The following SEMA3A variants were observed in gnomAD, a reference collection of about 807,000 sequenced individuals.
SEMA3A encodes semaphorin-3A.
In SEMA3A, 29 loss-of-function variants were observed where a neutral mutation model predicts 97.9. The observed-to-expected ratio is 0.30, with a 90% CI of 0.22 to 0.40. SEMA3A has a LOEUF of 0.40. Among genes scored for constraint, SEMA3A ranks in the 10% least tolerant of loss-of-function variants. The pLI is 1.00. For missense variants in SEMA3A, 763 were observed against 951.3 expected, an observed-to-expected ratio of 0.80 and a Z score of 2.60; for synonymous variants, 321 against 323.7, an observed-to-expected ratio of 0.99 and a Z score of 0.09.
At chr7:84,105,052 A>G (rs978820968) in intron 4 of SEMA3A, among the ~76,000 whole-genome samples, 1 of 152,114 alleles carries the variant, frequency 6.6e-6, no homozygotes, top group African/African-American at 2.4e-5. Context: ...TGAGTTGCCA[A>G]TGAATCTCGA....
intron 6 of SEMA3A, among the ~76,000 whole-genome samples, chr7:84,031,976 A>T (rs1278795261): frequency 2.0e-5 from 3 of 152,236 alleles, no homozygotes; most frequent in Non-Finnish European, 4.4e-5. Flanking sequence ...TTTTATTCAA[A>T]ATAAAAAAAA....
At chr7:84,361,648 T>C (rs1169587618) in intron 2 of SEMA3A, among the ~76,000 whole-genome samples, 1 of 152,058 alleles carries the variant, frequency 6.6e-6, no homozygotes, top group Non-Finnish European at 1.5e-5. Flanking sequence ...AATGATACCC[T>C]AATTACAATG....
intron 1 of SEMA3A, among the ~76,000 whole-genome samples, chr7:84,405,078 C>G (rs904963725): frequency 6.6e-6 from 1 of 152,006 alleles, no homozygotes; most frequent in Non-Finnish European, 1.5e-5. Flanking sequence ...CTAAATGCTC[C>G]AATTAAAAGG....
intron 1 of SEMA3A, among the ~76,000 whole-genome samples, chr7:84,150,939 C>G (rs1433153540): frequency 3.3e-5 from 5 of 149,526 alleles, no homozygotes; most frequent in East Asian, 2.0e-4. Context: ...ACCCCTGACC[C>G]CTGAGCAGCC....
At chr7:84,421,910 T>C (rs186442518) in intron 1 of SEMA3A, among the ~76,000 whole-genome samples, 151 of 152,222 alleles carry the variant, frequency 9.9e-4, no homozygotes, top group Non-Finnish European at 1.7e-3. Flanking sequence ...GCTGCTGGAT[T>C]CAGTTTGCCA....
chr7:84,155,059 T>C (rs1359062036), intron 1 of SEMA3A, among the ~76,000 whole-genome samples: 1 of 152,108 alleles, frequency 6.6e-6, no homozygotes, highest in Admixed American at 6.5e-5. Context: ...AGTAGCTAAT[T>C]TAATTCCATT....
chr7:84,321,673 G>A (rs1224130918), intron 2 of SEMA3A, among the ~76,000 whole-genome samples: 5 of 151,748 alleles, frequency 3.3e-5, no homozygotes, highest in Non-Finnish European at 7.4e-5. Context: ...TCAGGAGATC[G>A]AAACCATCCT....
intron 1 of SEMA3A, among the ~76,000 whole-genome samples, chr7:84,393,050 A>T (rs1255241858): frequency 2.0e-5 from 3 of 152,240 alleles, no homozygotes; most frequent in East Asian, 3.9e-4. Context: ...TTATTTGGAT[A>T]TAATCGCATT....
intron 3 of SEMA3A, among the ~76,000 whole-genome samples, chr7:84,233,162 A>AT (rs2116360793): frequency 6.6e-6 from 1 of 152,030 alleles, no homozygotes; most frequent in South Asian, 2.1e-4. Flanking sequence ...ATTTTAATTT[A>AT]TTTTTGCCCC....
intron 14 of SEMA3A, among the ~76,000 whole-genome samples, 186 bp downstream of exon 14, chr7:83,981,135 T>C (rs755186019): frequency 6.6e-6 from 1 of 152,218 alleles, no homozygotes; most frequent in Non-Finnish European, 1.5e-5. Flanking sequence ...TGTGACTTTT[T>C]TTCTGATTGT....
intron 1 of SEMA3A, among the ~76,000 whole-genome samples, chr7:84,435,701 A>C (rs1326924801): frequency 6.6e-6 from 1 of 152,226 alleles, no homozygotes; most frequent in Non-Finnish European, 1.5e-5. Flanking sequence ...AAAACATTCC[A>C]TGCTCATAGA....
intron 15 of SEMA3A, among the ~76,000 whole-genome samples, chr7:83,965,668 T>A (rs12154817): frequency 0.018 from 395 of 22,106 alleles, no homozygotes; most frequent in East Asian, 0.053. Flanking sequence ...ATATATATAT[T>A]TTTTTTTTTT....
chr7:84,336,111 A>G (rs1802033038), intron 2 of SEMA3A, among the ~76,000 whole-genome samples: 1 of 152,160 alleles, frequency 6.6e-6, no homozygotes, highest in Admixed American at 6.6e-5. Context: ...CCTTCTTCCT[A>G]GACACCATAT....
At chr7:84,029,838 C>CAT (rs71297136) in intron 6 of SEMA3A, among the ~76,000 whole-genome samples, 57,722 of 150,926 alleles carry the variant, frequency 0.38, 11,672 homozygotes, top group Middle Eastern at 0.5. Flanking sequence ...CACACACACA[C>CAT]ATTTTAGAAA....
intron 1 of SEMA3A, among the ~76,000 whole-genome samples, chr7:84,448,030 G>C (rs1805467106): frequency 1.3e-5 from 2 of 152,208 alleles, no homozygotes; most frequent in African/African-American, 4.8e-5. Flanking sequence ...GGTGTGCCCG[G>C]TGTGCCTGGC....
chr7:84,204,872 A>G (rs1186553084), intron 3 of SEMA3A, among the ~76,000 whole-genome samples: 2 of 152,166 alleles, frequency 1.3e-5, no homozygotes, highest in Non-Finnish European at 2.9e-5. Flanking sequence ...ATTGAAAGAG[A>G]GCAACGTTTC....
intron 4 of SEMA3A, among the ~76,000 whole-genome samples, chr7:84,095,638 C>T (rs11972281): frequency 0.42 from 61,976 of 148,252 alleles, 14,645 homozygotes; most frequent in Admixed American, 0.52. Flanking sequence ...TTTTTTTTTC[C>T]TTTCCTCTTT....
intron 1 of SEMA3A, among the ~76,000 whole-genome samples, chr7:84,184,632 T>G (rs1797823168): frequency 6.6e-6 from 1 of 151,460 alleles, no homozygotes; most frequent in Non-Finnish European, 1.5e-5. Context: ...TTTTTTTTTT[T>G]GCAATATACT....
intron 4 of SEMA3A, among the ~76,000 whole-genome samples, chr7:84,063,062 C>T (rs2115701898): frequency 6.6e-6 from 1 of 152,010 alleles, no homozygotes; most frequent in African/African-American, 2.4e-5. Context: ...CAGCACGCCG[C>T]TGGAGATCTG....
Sources: gnomAD v4.1 joint callset for allele counts (sites outside exome capture counted in the v4.1 genomes callset) on GRCh38, gnomAD v4.1.1 for gene constraint, MANE v1.5 for transcripts, NCBI Gene and HGNC (gene_info 2026-07-23, HGNC 2026-07-21) for gene names.